The following CYTH4 variants were observed in gnomAD, a reference collection of about 807,000 sequenced individuals.
CYTH4 encodes the protein cytohesin 4, also known as cytohesin-4.
CYTH4 carries 22 observed loss-of-function variants against 57.5 expected under a neutral mutation model. That is an observed-to-expected ratio of 0.38 (90% confidence interval 0.27 to 0.55). The LOEUF (loss-of-function observed/expected upper bound fraction) is 0.55, where lower values mean the gene tolerates loss of function less well. CYTH4 is among the 20% of genes least tolerant of loss of function. The probability of loss-of-function intolerance (pLI) is 0.74; values close to 1 mark genes in which losing one functional copy is unlikely to be tolerated. For synonymous variants in CYTH4, 186 were observed against 206.5 expected (o/e 0.90, Z 0.85); for missense variants, 420 against 535.6 (o/e 0.78, Z 2.13).
In CYTH4 at chr22:37,300,899, T is replaced by C. The variant is rs2145863798; in HGVS notation, c.435-8T>C. The C allele has an allele frequency of 6.2e-7, 1 of 1,612,938 alleles. No individual in the cohort carries two copies. The highest frequency in any genetic ancestry group is 8.5e-7 in the Non-Finnish European group (1 of 1,179,262). On this transcript the variant is annotated splice_polypyrimidine_tract_variant and splice_region_variant and intron_variant, in intron 6 of 12. Transcript: ENST00000248901. The stretch of plus-strand genomic sequence containing the variant: ...ACTCCACTGCCCGTGGCCCCGTTTC[T>C]CCCCCAGGCAGTTCCTGTGGAGCTT...
rs938639444 is a variant in CYTH4, at chr22:37,313,892, C to A, written c.*381C>A. ...GCACTTAGATGCTGTCAGCCCTCAA[C>A]GTAGGAGGGGCCGTGGGGTCCCTAA... On this transcript the variant is annotated 3_prime_UTR_variant, in exon 13 of 13. Coordinates refer to ENST00000248901, the MANE Select transcript of CYTH4 (RefSeq NM_013385.5). 3.7e-6 allele frequency: 1 copy of A among 268,288 alleles called. No individual in the cohort carries two copies. Among genetic ancestry groups the A allele is most frequent in the Non-Finnish European group, 7.1e-6 (1 of 140,420 alleles). The allele number at this position is 268,288 out of a possible 1,614,324, so 16.6% of individuals were successfully genotyped here.
intron 8 of CYTH4, chr22:37,304,338 G>T: frequency 2.2e-6 from 1 of 451,122 alleles, no homozygotes; most frequent in Non-Finnish European, 4.5e-6. Context: ...AGAGGGTCCA[G>T]GGCTTCCAAT....
chr22:37,311,947 G>A lies in CYTH4; in HGVS notation c.958-73G>A, dbSNP rs1437410350. 1 of 1,558,474 alleles carries A rather than the reference G, an allele frequency of 6.4e-7. No individual in the cohort carries two copies. The highest frequency in any genetic ancestry group is 8.7e-7 in the Non-Finnish European group (1 of 1,145,954). ...GCTGATCAGGGACACTAGCGTCTGGGCTTCTCTGAGCCTCCTGGAGGGCCC... is the reference window on the plus strand; with the variant it reads ...GCTGATCAGGGACACTAGCGTCTGGACTTCTCTGAGCCTCCTGGAGGGCCC... On this transcript the variant is annotated intron_variant, in intron 11 of 12. Coordinates refer to ENST00000248901, the MANE Select transcript of CYTH4 (RefSeq NM_013385.5). The surrounding 1 kb of genome is among the most constrained non-coding windows in gnomAD (Gnocchi z 4.4).
intron 5 of CYTH4, 67 bp from the exon 6 acceptor site, chr22:37,299,159 C>T (rs1929084890): frequency 1.6e-6 from 2 of 1,247,528 alleles, no homozygotes; most frequent in South Asian, 2.5e-5. Context: ...ACCTCAACCC[C>T]CTCCAGGAGG....
rs1328690941 is a variant in CYTH4 at position 37,298,663 on chromosome 22, G to A, written c.354-563G>A. ...CGAGGAGGTGGGGATCTGTGGGAGC[G>A]CTCTGGGCAAAGGACTGGTCTGAGG... is the stretch of plus-strand genomic sequence containing the variant. On this transcript the variant is annotated intron_variant, in intron 5 of 12. Transcript: ENST00000248901. The surrounding 1 kb of genome is among the most constrained non-coding windows in gnomAD (Gnocchi z 4.1). 1.3e-5 allele frequency among the ~76,000 whole-genome samples: 2 copies of A among 152,044 alleles called. No individual in the cohort carries two copies. The highest frequency in any genetic ancestry group is 1.9e-4 in the East Asian group (1 of 5,182).
Position 37,311,012 on chromosome 22 carries a change from G to A in CYTH4, c.833G>A (p.Arg278Gln), listed in dbSNP as rs1399212404. The change falls in exon 10 of 13, where the codon CGG becomes CAG. Residue 278 changes from arginine (R) to glutamine (Q), a missense_variant. By Grantham distance (43) the Arg-to-Gln change is conservative. Coordinates refer to ENST00000248901, the MANE Select transcript of CYTH4 (RefSeq NM_013385.5). This position sits in a 1 kb window ranked among gnomAD's most constrained non-coding sequence, Gnocchi z 4.4. The stretch of plus-strand genomic sequence containing the variant: ...GGGGGCCGCGTGAAGACGTGGAAAC[G>A]GCGCTGGTTCATCCTGACCGACAAC... ...KLGGRVKTWK[R>Q]RWFILTDNCL... 5.6e-6 allele frequency: 9 copies of A among 1,614,208 alleles called. No homozygotes were observed. The highest frequency in any genetic ancestry group is 7.6e-6 in the Non-Finnish European group (9 of 1,180,042).
At chr22:37,306,576 G>A (rs1929405899) in intron 8 of CYTH4, among the ~76,000 whole-genome samples, 1 of 152,218 alleles carries the variant, frequency 6.6e-6, no homozygotes, top group Non-Finnish European at 1.5e-5. Context: ...ACTTGGCTGT[G>A]CTTTCCAGCT....
chr22:37,291,294 C>G (rs577301759), intron 1 of CYTH4, among the ~76,000 whole-genome samples: 1 of 152,340 alleles, frequency 6.6e-6, no homozygotes, highest in Admixed American at 6.5e-5. Context: ...TCCATCTAGC[C>G]TGGTGCCCTG....
In CYTH4 at chr22:37,303,405, G is replaced by A; in HGVS notation, c.696+3G>A. 6.2e-7 allele frequency: 1 copy of A among 1,612,622 alleles called. No homozygotes were observed. The highest frequency in any genetic ancestry group is 8.5e-7 in the Non-Finnish European group (1 of 1,179,448). On this transcript the variant is annotated splice_donor_region_variant and intron_variant, in intron 8 of 12. Transcript: ENST00000248901. Reference sequence around the variant, plus strand: ...ACCTGCCCGAGGACCAGCTGCGGGTGAGAGAGGCGCAGCCCACCCAGCCTG... The same window carrying A: ...ACCTGCCCGAGGACCAGCTGCGGGTAAGAGAGGCGCAGCCCACCCAGCCTG...
intron 12 of CYTH4, 102 bp downstream of exon 12, chr22:37,312,276 C>A: frequency 5.5e-6 from 8 of 1,463,818 alleles, no homozygotes; most frequent in Non-Finnish European, 7.4e-6. Context: ...TAACTCCAGT[C>A]TCTCCCTCCT....
chr22:37,309,384 G>C, intron 9 of CYTH4, 61 bp downstream of exon 9: 1 of 1,434,594 alleles, frequency 7.0e-7, no homozygotes, highest in Non-Finnish European at 9.8e-7. Context: ...GGCACACATC[G>C]TTGCATGCAC....
intron 1 of CYTH4, among the ~76,000 whole-genome samples, chr22:37,285,858 G>T (rs768280104): frequency 6.6e-6 from 1 of 152,162 alleles, no homozygotes; most frequent in Non-Finnish European, 1.5e-5. Flanking sequence ...CAGCAAGCCC[G>T]GGGCCATCAT....
At chr22:37,297,515 G>C in intron 4 of CYTH4, 49 bp from the exon 5 acceptor site, 1 of 1,533,014 alleles carries the variant, frequency 6.5e-7, no homozygotes. Context: ...CCCCTCCCAG[G>C]CCTGCTTCCA....
chr22:37,284,951 G>C (rs989327652), intron 1 of CYTH4, among the ~76,000 whole-genome samples: 2 of 152,172 alleles, frequency 1.3e-5, no homozygotes, highest in Admixed American at 6.5e-5. Context: ...GGGCGGTGGG[G>C]GGGCGGCGGG....
chr22:37,290,201 T>C (rs1928701275), intron 1 of CYTH4, among the ~76,000 whole-genome samples: 1 of 152,192 alleles, frequency 6.6e-6, no homozygotes, highest in African/African-American at 2.4e-5. Flanking sequence ...CTGGTCTCTA[T>C]GTACCCCCAC....
intron 6 of CYTH4, chr22:37,299,965 T>G: frequency 1.4e-6 from 1 of 691,328 alleles, no homozygotes; most frequent in Non-Finnish European, 2.7e-6. Flanking sequence ...CACTCCAGCC[T>G]GGGCAACAGA....
chr22:37,297,910 A>G, intron 5 of CYTH4: 2 of 420,626 alleles, frequency 4.8e-6, no homozygotes, highest in South Asian at 2.3e-5. Context: ...ACTGTGTTCC[A>G]GGCACCATCC....
At chr22:37,299,625 T>C (rs1463537517) in intron 6 of CYTH4, among the ~76,000 whole-genome samples, 1 of 152,248 alleles carries the variant, frequency 6.6e-6, no homozygotes, top group Non-Finnish European at 1.5e-5. Flanking sequence ...GTTTTATTTA[T>C]TTTATAAGAC....
chr22:37,303,437 G>C, intron 8 of CYTH4, 35 bp downstream of exon 8: 2 of 1,601,076 alleles, frequency 1.2e-6, no homozygotes, highest in South Asian at 2.2e-5. Context: ...CCTGGCCCCG[G>C]GGAATCCAGG....
Sources: gnomAD v4.1 joint callset for allele counts (sites outside exome capture counted in the v4.1 genomes callset) on GRCh38, gnomAD v4.1.1 for gene constraint, Gnocchi (gnomAD v3.1) non-coding constraint, MANE v1.5 for transcripts, NCBI Gene and HGNC (gene_info 2026-07-23, HGNC 2026-07-21) for gene names.